The following NOMO1 variants were observed in gnomAD, a reference collection of about 807,000 sequenced individuals.
The protein encoded by NOMO1 is nodal modulator 3.
Under a neutral mutation model 133.8 loss-of-function variants are expected in NOMO1, and 40 were observed. The ratio of observed to expected loss-of-function variants is 0.30; its 90% CI spans 0.23 to 0.39. NOMO1 has a LOEUF of 0.39. Ranked by LOEUF, NOMO1 falls within the 10% of genes least tolerant of loss-of-function variation. The pLI, the probability that NOMO1 is intolerant of heterozygous loss-of-function variation, is 1.00. For synonymous variants in NOMO1, 236 were observed against 570.5 expected (o/e 0.41, Z 8.36); for missense variants, 462 against 1,419.9 (o/e 0.33, Z 10.84).
chr16:14,872,949 T>C, intron 18 of NOMO1, among the ~76,000 whole-genome samples: 1 of 142,882 alleles, frequency 7.0e-6, no homozygotes, highest in Non-Finnish European at 1.6e-5. Context: ...TGCCCCTGGT[T>C]GAAGTCACCT....
In NOMO1 at chr16:14,895,663, G is replaced by A; in HGVS notation, c.*18G>A. The A allele has an allele frequency of 6.2e-7, 1 of 1,611,874 alleles. No individual in the cohort carries two copies. Among genetic ancestry groups the A allele is most frequent in the Non-Finnish European group, 8.5e-7 (1 of 1,179,878 alleles). ...GGACTTGAGGAGGAAGGGGACAGTT[G>A]CAGTCTCACTTGGGACAGGCCACAG... On this transcript the variant is annotated 3_prime_UTR_variant, in exon 31 of 31. Transcript: ENST00000287667.
chr16:14,836,409 T>C (rs1436670216), intron 1 of NOMO1, among the ~76,000 whole-genome samples: 1 of 152,134 alleles, frequency 6.6e-6, no homozygotes, highest in Non-Finnish European at 1.5e-5. Flanking sequence ...AGTCACTTTG[T>C]ACATCTTCTT....
intron 2 of NOMO1, among the ~76,000 whole-genome samples, chr16:14,840,841 A>AT (rs1374440276): frequency 2.0e-5 from 3 of 146,944 alleles, no homozygotes; most frequent in African/African-American, 5.1e-5. Context: ...TTTTAAGAAC[A>AT]TTTTTTGTAC....
intron 29 of NOMO1, among the ~76,000 whole-genome samples, chr16:14,893,334 T>G (rs1964433130): frequency 6.6e-6 from 1 of 151,792 alleles, no homozygotes; most frequent in Non-Finnish European, 1.5e-5. Flanking sequence ...ATTACAGGCA[T>G]GCACCACCAC....
At position 14,833,960 on chromosome 16, in the gene NOMO1, G is replaced by T; in HGVS notation, c.109G>T (p.Val37Leu). 2.0e-6 allele frequency: 1 copy of T among 505,830 alleles called. No individual in the cohort carries two copies. The highest frequency in any genetic ancestry group is 5.3e-5 in the Admixed American group (1 of 18,812). 31.3% of individuals were successfully genotyped at this position (505,830 alleles called of 1,614,324 possible). The change falls in exon 1 of 31, where the codon GTG (valine) becomes TTG (leucine). Residue 37 changes from valine (V) to leucine (L), a missense_variant. Coordinates refer to ENST00000287667, the MANE Select transcript of NOMO1 (RefSeq NM_014287.4). The part of the protein sequence containing the change: ...GPAHGSEDIV[V>L]GCGGFVKSDV... ...GGCGCACGGCTCGGAGGACATCGTG[G>T]TGGGCTGCGGTGGCTTCGTCAAGTC...
At chr16:14,873,985 C>T (rs1439615299) in intron 18 of NOMO1, among the ~76,000 whole-genome samples, 5 of 151,176 alleles carry the variant, frequency 3.3e-5, no homozygotes, top group South Asian at 2.1e-4. Flanking sequence ...AAAATACACC[C>T]GTCATCTAGT....
In NOMO1 at chr16:14,871,072, A is replaced by C. The variant is rs528596046; in HGVS notation, c.1895-549A>C. Among the ~76,000 whole-genome samples the C allele has an allele frequency of 2.0e-5, 3 of 150,388 alleles. No homozygotes were observed. The South Asian group carries it at 6.3e-4, about 32-fold the overall frequency. ...GTTAATGATGATTTGGGGGAAATAC[A>C]TTGTTATTCCTTGTATCTTCCTGAA... On this transcript the variant is annotated intron_variant, in intron 16 of 30. Transcript: ENST00000287667.
rs1431638336 is a variant in NOMO1 at position 14,835,757 on chromosome 16, AT to A, written c.165+1742del. Among the ~76,000 whole-genome samples, 342 of 151,970 alleles carry A rather than the reference AT, an allele frequency of 2.3e-3. 1 individual carries two copies. Among genetic ancestry groups the A allele is most frequent in the African/African-American group, 7.5e-3 (312 of 41,452 alleles). Reference sequence around the variant, plus strand: ...TATGAAAGATGTAGAAATAATCATGATATTTCACGGTTATTTCTTGATTGTG... The same window carrying A: ...TATGAAAGATGTAGAAATAATCATGAATTTCACGGTTATTTCTTGATTGTG... On this transcript the variant is annotated intron_variant, in intron 1 of 30. Coordinates refer to ENST00000287667, the MANE Select transcript of NOMO1 (RefSeq NM_014287.4).
intron 1 of NOMO1, among the ~76,000 whole-genome samples, chr16:14,836,657 A>T (rs1221227425): frequency 6.8e-6 from 1 of 147,940 alleles, no homozygotes; most frequent in Non-Finnish European, 1.5e-5. Context: ...TCAGAGAGAG[A>T]TATTAAATAG....
At chr16:14,851,806 A>G (rs1963762289) in intron 6 of NOMO1, among the ~76,000 whole-genome samples, 1 of 61,798 alleles carries the variant, frequency 1.6e-5, no homozygotes, top group African/African-American at 3.9e-5. Flanking sequence ...TTAACACTAT[A>G]TATCATTAAA....
intron 14 of NOMO1, 84 bp from the exon 15 acceptor site, chr16:14,866,471 A>C: frequency 6.2e-7 from 1 of 1,609,030 alleles, no homozygotes; most frequent in Non-Finnish European, 8.5e-7. Context: ...AAATTGATTA[A>C]TTCATGATCA....
chr16:14,878,493 C>CAA lies in NOMO1; in HGVS notation c.2644-201_2644-200dup, dbSNP rs1184163940. On this transcript the variant is annotated intron_variant, in intron 22 of 30. Transcript: ENST00000287667. ...TGGGTGACAGAGCAAGACCCTGTCT[C>CAA]AAAAAAAAAAAAAAAAAAAAAAAAA... Among the ~76,000 whole-genome samples the CAA allele has an allele frequency of 1.2e-3, 48 of 38,990 alleles. 1 individual carries two copies. The highest frequency in any genetic ancestry group is 2.2e-3 in the East Asian group (2 of 912). The allele number at this position is 38,990 out of a possible 152,430, so 25.6% of individuals were successfully genotyped here.
rs550961351 is a variant in NOMO1 at position 14,869,877 on chromosome 16, C to T, written c.1894+1242C>T. 7.6e-5 allele frequency among the ~76,000 whole-genome samples: 11 copies of T among 144,420 alleles called. No individual in the cohort carries two copies. The East Asian group carries it at 1.7e-3, about 22-fold the overall frequency. The allele number at this position is 144,420 out of a possible 152,430, so 94.7% of individuals were successfully genotyped here. A position where few individuals can be genotyped will look rare whatever the true frequency, so the allele number is the denominator to read the frequency against. ...TCCCACCAGCAATGCACGAGGGTTC[C>T]GGTTTCTTCACCTCCTTCGCCAACA... is the stretch of plus-strand genomic sequence containing the variant. On this transcript the variant is annotated intron_variant, in intron 16 of 30. Transcript: ENST00000287667.
chr16:14,842,073 A>G (rs1963611497), intron 3 of NOMO1, among the ~76,000 whole-genome samples: 3 of 151,988 alleles, frequency 2.0e-5, no homozygotes, highest in Non-Finnish European at 4.4e-5. Context: ...AAAAGCTCCA[A>G]ACTTTCCTCA....
chr16:14,876,495 T>C lies in NOMO1; in HGVS notation c.2493T>C (p.Phe831=). ...KGASSPLITV[F]TDDKGAYSVG... is the part of the protein sequence containing the mutation. ...CAAGTTCACCGCTGATCACAGTCTT[T>C]ACTGATGACAAAGGTGCCTACAGGT... The change falls in exon 21 of 31, where the codon TTT becomes TTC. Residue 831 remains phenylalanine (F), a synonymous_variant. Transcript: ENST00000287667. 2.5e-6 allele frequency: 4 copies of C among 1,611,518 alleles called. No homozygotes were observed. The highest frequency in any genetic ancestry group is 1.1e-5 in the South Asian group (1 of 90,956).
chr16:14,885,678 G>C (rs1410017207), intron 27 of NOMO1, among the ~76,000 whole-genome samples: 2 of 151,606 alleles, frequency 1.3e-5, no homozygotes, highest in African/African-American at 2.4e-5. Flanking sequence ...GCAAACTGGG[G>C]AACTCCTGCC....
intron 29 of NOMO1, among the ~76,000 whole-genome samples, chr16:14,893,923 C>G (rs368427659): frequency 0.017 from 2,630 of 151,834 alleles, 33 homozygotes; most frequent in Non-Finnish European, 0.029. Flanking sequence ...TCACATCTTA[C>G]TATTGGCTGA....
At chr16:14,859,029 A>T (rs1334551996) in intron 11 of NOMO1, among the ~76,000 whole-genome samples, 1 of 151,996 alleles carries the variant, frequency 6.6e-6, no homozygotes, top group Non-Finnish European at 1.5e-5. Flanking sequence ...AGGTACTTGG[A>T]TGGATGGTAA....
At chr16:14,846,816 G>A (rs1450096585) in intron 5 of NOMO1, 133 bp downstream of exon 5, 4 of 1,537,026 alleles carry the variant, frequency 2.6e-6, no homozygotes, top group Non-Finnish European at 3.6e-6. Context: ...GTGAGTTCAT[G>A]CCCGTCAGAG....
Sources: allele counts gnomAD v4.1 joint callset (sites outside exome capture counted in the v4.1 genomes callset), GRCh38; gene constraint gnomAD v4.1.1; transcripts MANE v1.5; gene names NCBI Gene and HGNC (gene_info 2026-07-23, HGNC 2026-07-21).